Variants in KCNIP1 observed in about 807,000 individuals in gnomAD.
KCNIP1 encodes the protein A-type potassium channel modulatory protein KCNIP1.
KCNIP1 carries 18 observed loss-of-function variants against 33.0 expected under a neutral mutation model. The observed-to-expected ratio is 0.55, with a 90% CI of 0.38 to 0.81. The LOEUF (loss-of-function observed/expected upper bound fraction) is 0.81. Among genes scored for constraint, KCNIP1 ranks in the 30% least tolerant of loss-of-function variants. The probability of loss-of-function intolerance (pLI) is 0.00; values close to 1 mark genes in which losing one functional copy is unlikely to be tolerated. For synonymous variants in KCNIP1, 93 were observed against 98.3 expected, an observed-to-expected ratio of 0.95 and a Z score of 0.32; for missense variants, 238 against 271.6, an observed-to-expected ratio of 0.88 and a Z score of 0.87.
At chr5:170,531,525 C>A (rs967176249) in intron 1 of KCNIP1, among the ~76,000 whole-genome samples, 9 of 152,298 alleles carry the variant, frequency 5.9e-5, no homozygotes, top group African/African-American at 2.2e-4. Flanking sequence ...GGCAAGCCCA[C>A]CACTAACAAT....
chr5:170,519,265 G>A (rs1453771036), intron 1 of KCNIP1, among the ~76,000 whole-genome samples: 2 of 152,128 alleles, frequency 1.3e-5, no homozygotes, highest in East Asian at 3.9e-4. Context: ...AACATGTGTG[G>A]CTTGGATTCA....
intron 1 of KCNIP1, among the ~76,000 whole-genome samples, chr5:170,593,103 G>A (rs1758321051): frequency 6.6e-6 from 1 of 152,162 alleles, no homozygotes; most frequent in Non-Finnish European, 1.5e-5. Flanking sequence ...ATTTACTTCT[G>A]TAACTTAATT....
chr5:170,537,334 T>C (rs1756028726), intron 1 of KCNIP1, among the ~76,000 whole-genome samples: 1 of 152,182 alleles, frequency 6.6e-6, no homozygotes, highest in Non-Finnish European at 1.5e-5. Flanking sequence ...AGCATTCAAC[T>C]CAGGGTATGA....
At chr5:170,675,891 T>C (rs1762113907) in intron 1 of KCNIP1, among the ~76,000 whole-genome samples, 1 of 152,114 alleles carries the variant, frequency 6.6e-6, no homozygotes, top group African/African-American at 2.4e-5. Flanking sequence ...CGCAAATAGA[T>C]GTAAAAGGTT....
intron 2 of KCNIP1, 62 bp downstream of exon 2, chr5:170,718,944 C>T: frequency 6.4e-7 from 1 of 1,568,836 alleles, no homozygotes; most frequent in South Asian, 1.2e-5. Context: ...ACACTCTCCC[C>T]AATGCCAAGG....
chr5:170,501,401 A>G (rs1431313216), upstream of KCNIP1, among the ~76,000 whole-genome samples: 1 of 152,224 alleles, frequency 6.6e-6, no homozygotes, highest in Non-Finnish European at 1.5e-5. Context: ...ACCAGGGGTC[A>G]GGGAGGATTT....
chr5:170,647,387 A>C (rs1444319340), intron 1 of KCNIP1, among the ~76,000 whole-genome samples: 2 of 152,196 alleles, frequency 1.3e-5, no homozygotes, highest in East Asian at 3.8e-4. Context: ...CTCTAAAGCC[A>C]TGATAATAAA....
At chr5:170,684,293 A>G (rs1762467300) in intron 1 of KCNIP1, among the ~76,000 whole-genome samples, 1 of 152,162 alleles carries the variant, frequency 6.6e-6, no homozygotes, top group Non-Finnish European at 1.5e-5. Flanking sequence ...AACAACAAAC[A>G]TTTATTCTCA....
At chr5:170,675,492 G>A (rs986333985) in intron 1 of KCNIP1, among the ~76,000 whole-genome samples, 8 of 152,060 alleles carry the variant, frequency 5.3e-5, no homozygotes, top group Admixed American at 6.5e-5. Context: ...ATGGTGGCAC[G>A]CACCTGTAGT....
intron 1 of KCNIP1, among the ~76,000 whole-genome samples, chr5:170,707,759 C>T (rs764853745): frequency 2.6e-5 from 4 of 151,850 alleles, no homozygotes; most frequent in Non-Finnish European, 4.4e-5. Flanking sequence ...TTGAAAACTC[C>T]ATCTAATGGA....
intron 1 of KCNIP1, among the ~76,000 whole-genome samples, chr5:170,360,565 G>A (rs1261775084): frequency 6.6e-6 from 1 of 152,194 alleles, no homozygotes. Flanking sequence ...GAGAAACAAG[G>A]CTGAGCCTCT....
chr5:170,380,436 C>A (rs540304708), intron 1 of KCNIP1, among the ~76,000 whole-genome samples: 2 of 152,350 alleles, frequency 1.3e-5, no homozygotes, highest in South Asian at 2.1e-4. Flanking sequence ...AGGTGTTGAG[C>A]CAGATTCCTT....
chr5:170,478,054 C>A (rs1240424509), intron 1 of KCNIP1, among the ~76,000 whole-genome samples: 1 of 152,100 alleles, frequency 6.6e-6, no homozygotes, highest in Non-Finnish European at 1.5e-5. Context: ...GAATTTCATG[C>A]CTCCTGGGAG....
At chr5:170,359,073 G>A (rs1763430019) in intron 1 of KCNIP1, among the ~76,000 whole-genome samples, 1 of 152,170 alleles carries the variant, frequency 6.6e-6, no homozygotes, top group African/African-American at 2.4e-5. Context: ...CCTGGGTTAT[G>A]GGGAAAGGGA....
At chr5:170,697,092 C>G (rs538180194) in intron 1 of KCNIP1, among the ~76,000 whole-genome samples, 5 of 151,976 alleles carry the variant, frequency 3.3e-5, no homozygotes, top group Non-Finnish European at 7.4e-5. Flanking sequence ...GTCTCACACA[C>G]ACATACACAC....
chr5:170,551,199 C>A (rs1756618787), intron 1 of KCNIP1, among the ~76,000 whole-genome samples: 1 of 152,210 alleles, frequency 6.6e-6, no homozygotes, highest in Non-Finnish European at 1.5e-5. Flanking sequence ...ATGGTGAGAG[C>A]CTCTCTGGGG....
At chr5:170,363,616 A>G (rs79591812) in intron 1 of KCNIP1, among the ~76,000 whole-genome samples, 5,568 of 152,332 alleles carry the variant, frequency 0.037, 244 homozygotes, top group African/African-American at 0.1. Context: ...CCAGTCTGCG[A>G]CATTCGATTA....
At chr5:170,659,867 C>T (rs967291073) in intron 1 of KCNIP1, among the ~76,000 whole-genome samples, 3 of 152,320 alleles carry the variant, frequency 2.0e-5, no homozygotes, top group South Asian at 2.1e-4. Context: ...AGATCTCCAT[C>T]GTTCATCTCC....
At chr5:170,652,719 G>A (rs1437181064) in intron 1 of KCNIP1, among the ~76,000 whole-genome samples, 1 of 152,178 alleles carries the variant, frequency 6.6e-6, no homozygotes, top group East Asian at 1.9e-4. Flanking sequence ...GGTCCCTGCA[G>A]GGACAGAGAG....
Sources: allele counts gnomAD v4.1 joint callset (sites outside exome capture counted in the v4.1 genomes callset), GRCh38; gene constraint gnomAD v4.1.1; transcripts MANE v1.5; gene names NCBI Gene and HGNC (gene_info 2026-07-23, HGNC 2026-07-21).